SEMA6D: variants seen among roughly 807,000 people sequenced by gnomAD.
The protein encoded by SEMA6D is semaphorin-6D.
Under a neutral mutation model 106.6 loss-of-function variants are expected in SEMA6D, and 35 were observed. The observed-to-expected ratio is 0.33, with a 90% confidence interval of 0.25 to 0.44. The LOEUF (loss-of-function observed/expected upper bound fraction) is 0.44, where lower values mean the gene tolerates loss of function less well. Ranked by LOEUF, SEMA6D falls within the 20% of genes least tolerant of loss-of-function variation. The pLI is 1.00. For synonymous variants in SEMA6D, 499 were observed against 487.7 expected (o/e 1.02, Z -0.31); for missense variants, 1,185 against 1,345.9 (o/e 0.88, Z 1.87).
At chr15:47,547,056 T>A (rs529156639) in intron 3 of SEMA6D, among the ~76,000 whole-genome samples, 1 of 152,246 alleles carries the variant, frequency 6.6e-6, no homozygotes, top group South Asian at 2.1e-4. Flanking sequence ...CAGATACTTC[T>A]GATGTTTATG....
chr15:47,533,845 C>T (rs1257759121), intron 3 of SEMA6D, among the ~76,000 whole-genome samples: 2 of 152,172 alleles, frequency 1.3e-5, no homozygotes, highest in Non-Finnish European at 2.9e-5. Context: ...TAGGCTTGTG[C>T]AACTCACGCT....
intron 3 of SEMA6D, among the ~76,000 whole-genome samples, chr15:47,566,926 C>CA (rs2046247370): frequency 2.0e-5 from 3 of 152,116 alleles, no homozygotes; most frequent in Non-Finnish European, 4.4e-5. Flanking sequence ...GAGGGTGTTA[C>CA]AGAGAAAAGA....
chr15:47,560,290 T>G (rs2046038856), intron 3 of SEMA6D, among the ~76,000 whole-genome samples: 1 of 151,652 alleles, frequency 6.6e-6, no homozygotes, highest in Non-Finnish European at 1.5e-5. Flanking sequence ...TTCCATAAAC[T>G]AAAGAAATCT....
At chr15:47,445,865 C>T (rs532478911) in intron 2 of SEMA6D, among the ~76,000 whole-genome samples, 3 of 152,086 alleles carry the variant, frequency 2.0e-5, no homozygotes, top group South Asian at 2.1e-4. Flanking sequence ...AGGTTGTGTT[C>T]AAAATGTACG....
intron 1 of SEMA6D, among the ~76,000 whole-genome samples, chr15:47,215,212 A>G (rs1293203257): frequency 7.0e-6 from 1 of 142,092 alleles, no homozygotes; most frequent in Non-Finnish European, 1.5e-5. Context: ...AACAGAAGCT[A>G]TTAAAGATCT....
intron 1 of SEMA6D, among the ~76,000 whole-genome samples, chr15:47,228,044 TTATATA>T (rs1188412493): frequency 1.4e-5 from 2 of 141,982 alleles, no homozygotes; most frequent in Non-Finnish European, 3.0e-5. Context: ...TATAAGAATC[TTATATA>T]TATATTTTTA....
In SEMA6D at chr15:47,760,334, G is replaced by A. The variant is rs201871061; in HGVS notation, c.140G>A (p.Arg47His). ...AGGCAATATCCGGTTTTTAGAGGAC[G>A]CCCTTCAGGCAATGAATCGCAGCAC... ...YSRQYPVFRG[R>H]PSGNESQHRL... Residue 47 changes from arginine to histidine, a missense_variant, in exon 3 of 19, where the codon CGC (arginine) becomes CAC (histidine). Coordinates refer to ENST00000536845, the MANE Select transcript of SEMA6D (RefSeq NM_001358351.3). 5 of 1,613,522 alleles carry A rather than the reference G, an allele frequency of 3.1e-6. No homozygotes were observed. Among genetic ancestry groups the A allele is most frequent in the Admixed American group, 1.7e-5 (1 of 59,974 alleles).
At chr15:47,641,412 T>G (rs1444658390) in intron 4 of SEMA6D, among the ~76,000 whole-genome samples, 1 of 152,172 alleles carries the variant, frequency 6.6e-6, no homozygotes, top group Non-Finnish European at 1.5e-5. Flanking sequence ...TCCCTCTCTC[T>G]CTCACACTCT....
At chr15:47,498,257 C>T (rs1322907996) in intron 3 of SEMA6D, among the ~76,000 whole-genome samples, 1 of 152,108 alleles carries the variant, frequency 6.6e-6, no homozygotes, top group African/African-American at 2.4e-5. Flanking sequence ...TAGGTTTTCA[C>T]TTAGCAATGG....
At chr15:47,568,379 C>G (rs1345727606) in intron 3 of SEMA6D, among the ~76,000 whole-genome samples, 2 of 152,048 alleles carry the variant, frequency 1.3e-5, no homozygotes, top group Non-Finnish European at 2.9e-5. Context: ...ATAATGTGAT[C>G]AAGTGATGCA....
intron 4 of SEMA6D, among the ~76,000 whole-genome samples, chr15:47,614,855 G>A (rs748265410): frequency 2.0e-5 from 3 of 152,192 alleles, no homozygotes; most frequent in Non-Finnish European, 4.4e-5. Context: ...CCCTCATCTG[G>A]AAAATGGGGT....
intron 2 of SEMA6D, among the ~76,000 whole-genome samples, chr15:47,450,911 C>T (rs538176927): frequency 3.9e-5 from 6 of 152,054 alleles, no homozygotes; most frequent in Non-Finnish European, 8.8e-5. Context: ...CAACAGGCCA[C>T]ACATCACTGC....
At chr15:47,586,798 A>C (rs2076348169) in intron 3 of SEMA6D, among the ~76,000 whole-genome samples, 1 of 150,780 alleles carries the variant, frequency 6.6e-6, no homozygotes, top group African/African-American at 2.4e-5. Context: ...GGCAGCCATC[A>C]GTCTGTAAAG....
intron 2 of SEMA6D, among the ~76,000 whole-genome samples, chr15:47,415,103 C>T (rs1567063450): frequency 6.6e-6 from 1 of 152,096 alleles, no homozygotes. Flanking sequence ...CTGATTTGAA[C>T]ATTAGGTCAA....
chr15:47,335,614 A>G (rs1294610706), intron 1 of SEMA6D, among the ~76,000 whole-genome samples: 1 of 152,168 alleles, frequency 6.6e-6, no homozygotes, highest in African/African-American at 2.4e-5. Context: ...TGCCTTCTAC[A>G]TGGGTGCCCC....
intron 2 of SEMA6D, among the ~76,000 whole-genome samples, chr15:47,429,318 T>G (rs12595418): frequency 0.5 from 75,975 of 151,966 alleles, 19,696 homozygotes; most frequent in South Asian, 0.63. Flanking sequence ...TGCTTTCTTT[T>G]TAGCATTCTT....
In SEMA6D at chr15:47,761,657, G is replaced by A; in HGVS notation, c.448-4G>A. The A allele has an allele frequency of 1.2e-6, 2 of 1,606,822 alleles. No homozygotes were observed. Among genetic ancestry groups the A allele is most frequent in the African/African-American group, 1.3e-5 (1 of 74,700 alleles). The stretch of plus-strand genomic sequence containing the variant: ...GACACTGGCTATTTACTTTTCTTTT[G>A]TAGTTGAGTACCTTAGAATATGATG... On this transcript the variant is annotated splice_polypyrimidine_tract_variant and splice_region_variant and intron_variant, in intron 6 of 18. Coordinates refer to ENST00000536845, the MANE Select transcript of SEMA6D (RefSeq NM_001358351.3).
intron 1 of SEMA6D, among the ~76,000 whole-genome samples, chr15:47,299,623 T>G (rs2035939939): frequency 6.6e-6 from 1 of 152,164 alleles, no homozygotes; most frequent in African/African-American, 2.4e-5. Flanking sequence ...GGTAAGGAAA[T>G]AGTTAATGAG....
intron 1 of SEMA6D, among the ~76,000 whole-genome samples, chr15:47,261,270 G>A (rs931277339): frequency 2.0e-5 from 3 of 152,030 alleles, no homozygotes; most frequent in Non-Finnish European, 2.9e-5. Context: ...CATCTGTTTT[G>A]CTCTCTATTG....
Sources: allele counts gnomAD v4.1 joint callset (sites outside exome capture counted in the v4.1 genomes callset), GRCh38; gene constraint gnomAD v4.1.1; transcripts MANE v1.5; gene names NCBI Gene and HGNC (gene_info 2026-07-23, HGNC 2026-07-21).